CXCL12: variants seen among roughly 807,000 people sequenced by gnomAD.
CXCL12 encodes stromal cell-derived factor 1.
In CXCL12, 4 loss-of-function variants were observed where a neutral mutation model predicts 10.7. The ratio of observed to expected loss-of-function variants is 0.37; its 90% CI spans 0.18 to 0.86. The LOEUF (loss-of-function observed/expected upper bound fraction) is 0.86. Ranked by LOEUF, CXCL12 falls within the 40% of genes least tolerant of loss-of-function variation. CXCL12 has a pLI of 0.43. For missense variants in CXCL12, 122 were observed against 110.4 expected, an observed-to-expected ratio of 1.10 and a Z score of -0.47; for synonymous variants, 54 against 45.4, an observed-to-expected ratio of 1.19 and a Z score of -0.77.
At chr10:44,372,763 G>GC, downstream of CXCL12, 1 of 1,438,516 alleles carries the variant, frequency 7.0e-7, no homozygotes, top group Non-Finnish European at 9.1e-7. Flanking sequence ...TCACACTGCT[G>GC]CCTCAGCTCA....
downstream of CXCL12, chr10:44,374,317 C>A: frequency 2.6e-6 from 1 of 391,184 alleles, no homozygotes; most frequent in South Asian, 1.9e-5. Flanking sequence ...CCGAAGAATG[C>A]AGGCGAGTAT....
intron 1 of CXCL12, among the ~76,000 whole-genome samples, chr10:44,384,627 G>A (rs1839741162): frequency 6.6e-6 from 1 of 152,244 alleles, no homozygotes; most frequent in Non-Finnish European, 1.5e-5. Flanking sequence ...TCTGGGGTCC[G>A]CGGCTCCCCA....
intron 1 of CXCL12, among the ~76,000 whole-genome samples, chr10:44,382,165 T>C (rs1323239841): frequency 6.6e-6 from 1 of 152,150 alleles, no homozygotes; most frequent in Non-Finnish European, 1.5e-5. Context: ...AAGCCAAGCA[T>C]CAGGGTGCTG....
chr10:44,384,821 T>C (rs1458578283), intron 1 of CXCL12, 124 bp downstream of exon 1: 6 of 922,726 alleles, frequency 6.5e-6, no homozygotes, highest in Non-Finnish European at 9.3e-6. Flanking sequence ...CTAAGCGAGC[T>C]GCCTCCACCC....
downstream of CXCL12, chr10:44,374,329 G>C (rs1041871949): frequency 7.4e-6 from 3 of 405,202 alleles, no homozygotes; most frequent in African/African-American, 2.1e-5. Context: ...GGCGAGTATG[G>C]GGGCACAGGT....
chr10:44,375,902 G>A (rs767453369), downstream of CXCL12: 12 of 1,608,474 alleles, frequency 7.5e-6, no homozygotes, highest in African/African-American at 1.3e-5. Context: ...AGCGCCGAGA[G>A]CAAGTGAACT....
At chr10:44,375,464 C>T (rs1839425884), downstream of CXCL12, among the ~76,000 whole-genome samples, 1 of 111,660 alleles carries the variant, frequency 9.0e-6, no homozygotes, top group African/African-American at 3.2e-5. Context: ...GGCACACCCC[C>T]TTCCTGGCGA....
downstream of CXCL12, among the ~76,000 whole-genome samples, chr10:44,375,683 A>G (rs895428702): frequency 2.6e-5 from 4 of 152,228 alleles, no homozygotes; most frequent in African/African-American, 9.6e-5. Context: ...TCCTGAGCAC[A>G]CAGGCTCCGC....
Position 44,378,365 on chromosome 10 carries a change from T to TA in CXCL12, c.*267dup, listed in dbSNP as rs1839522806. 1 of 1,520,230 alleles carries TA rather than the reference T, an allele frequency of 6.6e-7. No individual in the cohort carries two copies. The highest frequency in any genetic ancestry group is 1.4e-5 in the African/African-American group (1 of 73,508). 94.2% of individuals were successfully genotyped at this position (1,520,230 alleles called of 1,614,324 possible). On this transcript the variant is annotated 3_prime_UTR_variant, in exon 3 of 3. Coordinates refer to ENST00000343575, the MANE Select transcript of CXCL12 (RefSeq NM_199168.4). ...GCTGTTGATAATACAATTTCTTTCTTAGAAAAACCCCAGTAATAAAAGTTC... is the reference window on the plus strand; with the variant it reads ...GCTGTTGATAATACAATTTCTTTCTTAAGAAAAACCCCAGTAATAAAAGTTC...
In CXCL12 at chr10:44,377,804, T is replaced by A. The variant is rs774367520; in HGVS notation, c.*829A>T. The A allele has an allele frequency of 6.9e-6, 11 of 1,597,948 alleles. No homozygotes were observed. Among genetic ancestry groups the A allele is most frequent in the Middle Eastern group, 1.7e-4 (1 of 6,024 alleles). On this transcript the variant is annotated 3_prime_UTR_variant, in exon 3 of 3. Transcript: ENST00000343575. The stretch of plus-strand genomic sequence containing the variant: ...TTCTGGAGGAGGCCAAAGACGGATC[T>A]CACAGAGGGCCCGAGCTGTGGGGCA...
chr10:44,381,234 C>A (rs886486638), intron 1 of CXCL12, among the ~76,000 whole-genome samples: 3 of 152,196 alleles, frequency 2.0e-5, no homozygotes, highest in Admixed American at 1.3e-4. Flanking sequence ...TCCAGTTACT[C>A]TTTGTAAAAA....
Position 44,378,458 on chromosome 10 carries a change from G to C in CXCL12, c.*175C>G. On this transcript the variant is annotated 3_prime_UTR_variant, in exon 3 of 3. Transcript: ENST00000343575. Reference sequence around the variant, plus strand: ...TATCATACCGTATGCTATAAATGCAGGGTCTAAATGCTGGCAAACCTCAGG... The same window carrying C: ...TATCATACCGTATGCTATAAATGCACGGTCTAAATGCTGGCAAACCTCAGG... The C allele has an allele frequency of 1.3e-6, 2 of 1,537,528 alleles. No individual in the cohort carries two copies. The highest frequency in any genetic ancestry group is 1.7e-6 in the Non-Finnish European group (2 of 1,143,684).
At chr10:44,382,397 A>T (rs1363399207) in intron 1 of CXCL12, among the ~76,000 whole-genome samples, 2 of 152,172 alleles carry the variant, frequency 1.3e-5, no homozygotes, top group African/African-American at 4.8e-5. Context: ...TTGTGCCTCC[A>T]GGTTTCCCTG....
chr10:44,376,856 G>A (rs1839468190), downstream of CXCL12, among the ~76,000 whole-genome samples: 3 of 149,940 alleles, frequency 2.0e-5, no homozygotes, highest in South Asian at 6.3e-4. Context: ...GAGGGAAGAC[G>A]AATTAGTGAG....
chr10:44,383,732 C>T (rs1564464673), intron 1 of CXCL12, among the ~76,000 whole-genome samples: 1 of 151,974 alleles, frequency 6.6e-6, no homozygotes, highest in Non-Finnish European at 1.5e-5. Context: ...CCCCAGGCTG[C>T]CCAGCTTCTC....
In CXCL12 at chr10:44,380,787, G is replaced by A; in HGVS notation, c.155C>T (p.Thr52Ile). The A allele has an allele frequency of 6.2e-7, 1 of 1,614,038 alleles. No individual in the cohort carries two copies. The highest frequency in any genetic ancestry group is 8.5e-7 in the Non-Finnish European group (1 of 1,179,864). The change falls in exon 2 of 3, where the codon ACT (threonine) becomes ATT (isoleucine). Residue 52 changes from threonine (T) to isoleucine (I), a missense_variant. By Grantham distance (89) the Thr-to-Ile change is moderately conservative. Transcript: ENST00000343575. ...ANVKHLKILN[T>I]PNCALQIVAR... ...CACAATCTGAAGGGCACAGTTTGGA[G>A]TGTTGAGAATTTTGAGATGCTTGAC... is the stretch of plus-strand genomic sequence containing the variant.
At position 44,377,404 on chromosome 10, in the gene CXCL12, A is replaced by G; in HGVS notation, c.*1229T>C. Reference sequence around the variant, plus strand: ...TGTTTTCTAAAGAAACGTAAAAAAAAATGTGCACAAAAATATATATAAAAA... The same window carrying G: ...TGTTTTCTAAAGAAACGTAAAAAAAGATGTGCACAAAAATATATATAAAAA... On this transcript the variant is annotated 3_prime_UTR_variant, in exon 3 of 3. Coordinates refer to ENST00000343575, the MANE Select transcript of CXCL12 (RefSeq NM_199168.4). 1 of 1,080,642 alleles carries G rather than the reference A, an allele frequency of 9.3e-7. No homozygotes were observed. Among genetic ancestry groups the G allele is most frequent in the Non-Finnish European group, 1.1e-6 (1 of 889,856 alleles). The allele number at this position is 1,080,642 out of a possible 1,614,324, so 66.9% of individuals were successfully genotyped here. A position where few individuals can be genotyped will look rare whatever the true frequency, so the allele number is the denominator to read the frequency against.
intron 2 of CXCL12, 38 bp downstream of exon 2, chr10:44,380,725 A>C: frequency 6.6e-7 from 1 of 1,525,292 alleles, no homozygotes; most frequent in South Asian, 1.1e-5. Flanking sequence ...GTTAGATGCA[A>C]CTATGTTCGT....
chr10:44,370,221 T>C (rs752599395), exon 4 of CXCL12: 2 of 152,298 alleles, frequency 1.3e-5, no homozygotes, highest in Non-Finnish European at 2.9e-5. Context: ...CATTTTTTCA[T>C]TGGTATGACT....
Sources: allele counts gnomAD v4.1 joint callset (sites outside exome capture counted in the v4.1 genomes callset), GRCh38; gene constraint gnomAD v4.1.1; transcripts MANE v1.5; gene names NCBI Gene and HGNC (gene_info 2026-07-23, HGNC 2026-07-21).